Variants in STYX observed in about 807,000 individuals in gnomAD.
STYX encodes the protein serine/threonine/tyrosine interacting protein, also known as serine/threonine/tyrosine-interacting protein.
STYX carries 20 observed loss-of-function variants against 42.7 expected under a neutral mutation model. That is an observed-to-expected ratio of 0.47 (90% CI 0.33 to 0.68). STYX has a LOEUF of 0.68. Ranked by LOEUF, STYX falls within the 30% of genes least tolerant of loss-of-function variation. STYX has a pLI of 0.02. For missense variants in STYX, 226 were observed against 268.5 expected (o/e 0.84, Z 1.11); for synonymous variants, 78 against 81.9 (o/e 0.95, Z 0.26).
At chr14:52,737,027 G>A (rs1006566476) in intron 1 of STYX, among the ~76,000 whole-genome samples, 3 of 152,178 alleles carry the variant, frequency 2.0e-5, no homozygotes, top group African/African-American at 4.8e-5. Context: ...CCCAGTGCAA[G>A]TCTAGTATTC....
chr14:52,739,593 C>T (rs1016527661), intron 1 of STYX, among the ~76,000 whole-genome samples: 14 of 150,172 alleles, frequency 9.3e-5, no homozygotes, highest in African/African-American at 3.4e-4. Context: ...GAGTATTTGG[C>T]CTAAAGTCTT....
Position 52,773,166 on chromosome 14 carries a change from G to T in STYX, c.*2060G>T, listed in dbSNP as rs1366389137. The T allele has an allele frequency of 6.6e-6, 1 of 151,870 alleles. No individual in the cohort carries two copies. Among genetic ancestry groups the T allele is most frequent in the East Asian group, 1.9e-4 (1 of 5,196 alleles). 9.4% of individuals were successfully genotyped at this position (151,870 alleles called of 1,614,324 possible). A position where few individuals can be genotyped will look rare whatever the true frequency, so the allele number is the denominator to read the frequency against. On this transcript the variant is annotated 3_prime_UTR_variant, in exon 11 of 11. Coordinates refer to ENST00000354586, the MANE Select transcript of STYX (RefSeq NM_145251.4). ...TAGTCTGGCCAAAAGAACAGATTTT[G>T]TTATTGATAATTTGTAGCTGGTAAT...
chr14:52,745,995 G>A (rs928500416), intron 2 of STYX, among the ~76,000 whole-genome samples: 19 of 152,146 alleles, frequency 1.2e-4, no homozygotes, highest in African/African-American at 3.9e-4. Context: ...CAGACTGAAA[G>A]CTTTCTGTAT....
Position 52,732,303 on chromosome 14 carries a change from G to A in STYX, c.57+1772G>A, listed in dbSNP as rs530825908. Among the ~76,000 whole-genome samples the A allele has an allele frequency of 2.6e-4, 33 of 127,154 alleles. No homozygotes were observed. The South Asian group carries it at 7.6e-3, about 29-fold the overall frequency. The allele number at this position is 127,154 out of a possible 152,430, so 83.4% of individuals were successfully genotyped here. On this transcript the variant is annotated intron_variant, in intron 1 of 10. Coordinates refer to ENST00000354586, the MANE Select transcript of STYX (RefSeq NM_145251.4). ...TTTTTTTGAGACAGAGTCTCACTCT[G>A]TCGCCCAGGCTGGAATGATCTTGCA...
In STYX at chr14:52,773,540, G is replaced by A. The variant is rs1882604230; in HGVS notation, c.*2434G>A. 6.6e-6 allele frequency: 1 copy of A among 151,990 alleles called. No homozygotes were observed. The highest frequency in any genetic ancestry group is 1.5e-5 in the Non-Finnish European group (1 of 67,994). 9.4% of individuals were successfully genotyped at this position (151,990 alleles called of 1,614,324 possible). ...TTTAGTAGAGATGGGGTTTCACCAT[G>A]TTGGCCAGGCTGGTCTCAAACTCCT... On this transcript the variant is annotated 3_prime_UTR_variant, in exon 11 of 11. Coordinates refer to ENST00000354586, the MANE Select transcript of STYX (RefSeq NM_145251.4).
intron 1 of STYX, among the ~76,000 whole-genome samples, chr14:52,737,294 T>C (rs1880994122): frequency 6.6e-6 from 1 of 152,370 alleles, no homozygotes; most frequent in East Asian, 1.9e-4. Context: ...TGAACATTTT[T>C]GTAACTTTTC....
intron 3 of STYX, among the ~76,000 whole-genome samples, chr14:52,750,062 T>G (rs1324457395): frequency 6.6e-6 from 1 of 152,204 alleles, no homozygotes; most frequent in Non-Finnish European, 1.5e-5. Flanking sequence ...TGGTCCTACC[T>G]TGGGACCAGC....
At chr14:52,759,658 T>G (rs1312813511) in intron 8 of STYX, 24 bp from the exon 9 acceptor site, 2 of 1,499,112 alleles carry the variant, frequency 1.3e-6, no homozygotes, top group Non-Finnish European at 1.9e-6. Flanking sequence ...TGCTATCACA[T>G]TAACACTCTT....
At chr14:52,741,934 C>T (rs1259233225) in intron 1 of STYX, among the ~76,000 whole-genome samples, 1 of 152,048 alleles carries the variant, frequency 6.6e-6, no homozygotes, top group Admixed American at 6.6e-5. Flanking sequence ...GGCTCATTTC[C>T]TGTTTTTAAA....
At chr14:52,752,769 A>C (rs528639906) in intron 4 of STYX, among the ~76,000 whole-genome samples, 1 of 152,088 alleles carries the variant, frequency 6.6e-6, no homozygotes, top group South Asian at 2.1e-4. Context: ...TTTCTGGACC[A>C]AGAGGCTAGA....
intron 9 of STYX, among the ~76,000 whole-genome samples, chr14:52,768,181 AT>A (rs1300934662): frequency 1.3e-5 from 2 of 151,788 alleles, no homozygotes. Flanking sequence ...GGATGGTTCT[AT>A]TTTTTTTGAA....
intron 8 of STYX, 52 bp downstream of exon 8, chr14:52,757,976 A>T: frequency 1.3e-6 from 2 of 1,578,806 alleles, no homozygotes; most frequent in Non-Finnish European, 1.7e-6. Flanking sequence ...ATTAAAATGA[A>T]ACTTAATGGG....
At chr14:52,766,366 A>G (rs1594883204) in intron 9 of STYX, among the ~76,000 whole-genome samples, 1 of 152,186 alleles carries the variant, frequency 6.6e-6, no homozygotes, top group South Asian at 2.1e-4. Context: ...ACAGGGTTTC[A>G]CCATGTAAGC....
At chr14:52,736,615 A>G (rs1418936073) in intron 1 of STYX, among the ~76,000 whole-genome samples, 1 of 152,204 alleles carries the variant, frequency 6.6e-6, no homozygotes, top group Non-Finnish European at 1.5e-5. Context: ...AAAGATAGGA[A>G]TTATTTAACA....
intron 3 of STYX, among the ~76,000 whole-genome samples, chr14:52,747,330 C>T (rs1409186297): frequency 6.6e-6 from 1 of 152,152 alleles, no homozygotes; most frequent in South Asian, 2.1e-4. Context: ...ATTCAGAAGT[C>T]AGTATACTTA....
rs374380069 is a variant in STYX at position 52,766,874 on chromosome 14, G to A, written c.505-1966G>A. Among the ~76,000 whole-genome samples, 10 of 144,842 alleles carry A rather than the reference G, an allele frequency of 6.9e-5. No homozygotes were observed. The East Asian group carries it at 8.0e-4, about 12-fold the overall frequency. On this transcript the variant is annotated intron_variant, in intron 9 of 10. Transcript: ENST00000354586. ...TTTTTTTCCACTTGATTTTTCTCAC[G>A]TTTGTTTTCCATGTCCCATGCTGCA... is the stretch of plus-strand genomic sequence containing the variant.
chr14:52,750,130 C>T (rs549129946), intron 3 of STYX, among the ~76,000 whole-genome samples: 8 of 152,160 alleles, frequency 5.3e-5, no homozygotes, highest in African/African-American at 1.9e-4. Context: ...ATTGAAGTTG[C>T]CATTTTTAAC....
rs189381444 is a variant in STYX, at chr14:52,738,377, T to C, written c.58-6475T>C. On this transcript the variant is annotated intron_variant, in intron 1 of 10. Transcript: ENST00000354586. ...TATATATATATCTCAAGAGAGTCTT[T>C]CATGTTGTATTACATATAACCTTAT... is the stretch of plus-strand genomic sequence containing the variant. 2.7e-3 allele frequency among the ~76,000 whole-genome samples: 418 copies of C among 152,340 alleles called. 2 individuals are homozygous for C. The highest frequency in any genetic ancestry group is 9.4e-3 in the African/African-American group (392 of 41,584).
At chr14:52,746,668 A>G (rs538911364) in intron 3 of STYX, among the ~76,000 whole-genome samples, 189 bp downstream of exon 3, 1 of 152,324 alleles carries the variant, frequency 6.6e-6, no homozygotes, top group Admixed American at 6.5e-5. Context: ...GTGTTTCACC[A>G]CAAATCAGAG....
Sources: gnomAD v4.1 joint callset for allele counts (sites outside exome capture counted in the v4.1 genomes callset) on GRCh38, gnomAD v4.1.1 for gene constraint, MANE v1.5 for transcripts, NCBI Gene and HGNC (gene_info 2026-07-23, HGNC 2026-07-21) for gene names.